PIGL: variants seen among roughly 807,000 people sequenced by gnomAD.
PIGL encodes the protein N-acetylglucosaminyl-phosphatidylinositol de-N-acetylase.
Under a neutral mutation model 31.1 loss-of-function variants are expected in PIGL, and 22 were observed. The ratio of observed to expected loss-of-function variants is 0.71; its 90% CI spans 0.51 to 1.01. The LOEUF (loss-of-function observed/expected upper bound fraction) is 1.01. PIGL is among the 50% of genes least tolerant of loss of function. The pLI is 0.00. For missense variants in PIGL, 302 were observed against 315.9 expected, an observed-to-expected ratio of 0.96 and a Z score of 0.33; for synonymous variants, 131 against 117.4, an observed-to-expected ratio of 1.12 and a Z score of -0.75.
At chr17:16,307,802 A>G (rs950662988) in intron 3 of PIGL, among the ~76,000 whole-genome samples, 2 of 152,038 alleles carry the variant, frequency 1.3e-5, no homozygotes, top group Admixed American at 1.3e-4. Context: ...CCTTGTCTTT[A>G]CAGAAAGAAA....
intron 6 of PIGL, among the ~76,000 whole-genome samples, chr17:16,320,276 G>A (rs1212064617): frequency 5.2e-5 from 6 of 116,290 alleles, no homozygotes; most frequent in African/African-American, 2.0e-4. Context: ...GGGAGGAGAG[G>A]GGAGGGGAGG....
chr17:16,288,644 A>G (rs2092948118), intron 2 of PIGL, among the ~76,000 whole-genome samples: 1 of 151,666 alleles, frequency 6.6e-6, no homozygotes, highest in Non-Finnish European at 1.5e-5. Flanking sequence ...GGTTCAAGCA[A>G]TCCTCCTGCC....
At chr17:16,253,422 G>A (rs1284723650) in intron 2 of PIGL, among the ~76,000 whole-genome samples, 1 of 152,186 alleles carries the variant, frequency 6.6e-6, no homozygotes, top group Non-Finnish European at 1.5e-5. Flanking sequence ...TAGTTGAGGT[G>A]ATGGATATGA....
intron 2 of PIGL, among the ~76,000 whole-genome samples, chr17:16,243,345 T>C (rs12946619): frequency 0.56 from 84,850 of 152,184 alleles, 24,756 homozygotes; most frequent in African/African-American, 0.72. Context: ...CCACCGTTTC[T>C]GGCCTGCTGA....
At chr17:16,230,905 A>G (rs1006427119) in intron 1 of PIGL, among the ~76,000 whole-genome samples, 2 of 151,992 alleles carry the variant, frequency 1.3e-5, no homozygotes, top group Admixed American at 1.3e-4. Context: ...AAATTAAAGA[A>G]TTTCTCCAAA....
intron 1 of PIGL, among the ~76,000 whole-genome samples, chr17:16,231,067 CTTTT>C (rs59390439): frequency 1.0e-5 from 1 of 96,576 alleles, no homozygotes; most frequent in Non-Finnish European, 2.0e-5. Flanking sequence ...TTTGGTTTTT[CTTTT>C]TTTTTTTTTT....
rs2093064099 is a variant in PIGL at position 16,313,595 on chromosome 17, G to T, written c.475G>T (p.Ala159Ser). The change falls in exon 4 of 7, where the codon GCT (alanine) becomes TCT (serine). Residue 159 changes from alanine to serine, a missense_variant. Transcript: ENST00000225609. ...AGTAAGTGGCCACAGCAATCACATT[G>T]CTCTGTATGCAGCTGTGAGGTATGA... is the stretch of plus-strand genomic sequence containing the variant. ...GGVSGHSNHI[A>S]LYAAVRALHS... 1 of 1,613,520 alleles carries T rather than the reference G, an allele frequency of 6.2e-7. No homozygotes were observed. The highest frequency in any genetic ancestry group is 8.5e-7 in the Non-Finnish European group (1 of 1,179,432).
intron 2 of PIGL, chr17:16,282,234 G>A: frequency 2.8e-6 from 1 of 352,828 alleles, no homozygotes; most frequent in South Asian, 2.1e-5. Flanking sequence ...GAGAGGAATG[G>A]CTGGGCATCC....
chr17:16,218,983 C>G (rs118061039), intron 1 of PIGL, among the ~76,000 whole-genome samples: 3,540 of 151,198 alleles, frequency 0.023, 128 homozygotes, highest in East Asian at 0.16. Context: ...CCTGGCCTAC[C>G]TATTTACATT....
chr17:16,316,377 T>C (rs1054801901), intron 4 of PIGL, among the ~76,000 whole-genome samples: 1 of 152,212 alleles, frequency 6.6e-6, no homozygotes, highest in Non-Finnish European at 1.5e-5. Context: ...AGAAAAACTA[T>C]GAAGAGTCCA....
At chr17:16,316,942 C>T (rs764871702) in intron 5 of PIGL, 53 of 1,316,982 alleles carry the variant, frequency 4.0e-5, no homozygotes, top group Non-Finnish European at 5.2e-5. Context: ...CAGGTTTGCC[C>T]CTCAACCTGT....
intron 1 of PIGL, among the ~76,000 whole-genome samples, chr17:16,228,450 T>C (rs1345518812): frequency 6.6e-6 from 1 of 152,146 alleles, no homozygotes; most frequent in Non-Finnish European, 1.5e-5. Flanking sequence ...AGTGGCGCGA[T>C]GTACGCTCAC....
rs200968493 is a variant in PIGL, at chr17:16,217,352, G to A, written c.126G>A (p.Arg42=). The change falls in exon 1 of 7, where the codon CGG becomes CGA. Residue 42 remains arginine (R), a synonymous_variant. Coordinates refer to ENST00000225609, the MANE Select transcript of PIGL (RefSeq NM_004278.4). ...GAGGACGGCTGGGAGCCGAAAGCCG[G>A]ACCCTGCTGGTCATAGCGCACCCTG... ...EQGGRLGAES[R]TLLVIAHPDD... 1.2e-6 allele frequency: 2 copies of A among 1,614,186 alleles called. No homozygotes were observed. Among genetic ancestry groups the A allele is most frequent in the East Asian group, 4.5e-5 (2 of 44,882 alleles).
intron 1 of PIGL, among the ~76,000 whole-genome samples, chr17:16,220,978 T>G (rs904515985): frequency 6.6e-6 from 1 of 152,150 alleles, no homozygotes; most frequent in African/African-American, 2.4e-5. Context: ...GTCTAGAGCC[T>G]TTCCCCTCTA....
chr17:16,306,229 G>A (rs764241600), intron 3 of PIGL, among the ~76,000 whole-genome samples: 10 of 151,996 alleles, frequency 6.6e-5, no homozygotes, highest in African/African-American at 9.7e-5. Context: ...GATTACAGAC[G>A]TGAGCCACCG....
chr17:16,292,242 C>T (rs2092964258), intron 2 of PIGL, among the ~76,000 whole-genome samples: 1 of 151,906 alleles, frequency 6.6e-6, no homozygotes, highest in Non-Finnish European at 1.5e-5. Flanking sequence ...CCGTGTTGGC[C>T]AGGCTGGTCT....
chr17:16,245,841 T>A (rs2142713907), intron 2 of PIGL, among the ~76,000 whole-genome samples: 1 of 148,334 alleles, frequency 6.7e-6, no homozygotes, highest in East Asian at 2.0e-4. Context: ...AGACGGAGTC[T>A]CGGAGTCTCC....
chr17:16,281,851 T>C (rs769149885), intron 2 of PIGL, among the ~76,000 whole-genome samples: 4 of 152,164 alleles, frequency 2.6e-5, no homozygotes, highest in Non-Finnish European at 4.4e-5. Context: ...GGAGCTCTGG[T>C]ACACAGGTGG....
chr17:16,313,045 A>G (rs1465507269), intron 3 of PIGL, among the ~76,000 whole-genome samples: 1 of 152,212 alleles, frequency 6.6e-6, no homozygotes, highest in Non-Finnish European at 1.5e-5. Flanking sequence ...ATATTGATAT[A>G]GCTGTGAAAA....
Sources: gnomAD v4.1 joint callset for allele counts (sites outside exome capture counted in the v4.1 genomes callset) on GRCh38, gnomAD v4.1.1 for gene constraint, MANE v1.5 for transcripts, NCBI Gene and HGNC (gene_info 2026-07-23, HGNC 2026-07-21) for gene names.